ABCB1: variants seen among roughly 807,000 people sequenced by gnomAD.
ABCB1 encodes ATP-dependent translocase ABCB1.
In ABCB1, 69 loss-of-function variants were observed where a neutral mutation model predicts 142.0. The ratio of observed to expected loss-of-function variants is 0.49; its 90% CI spans 0.40 to 0.59. The LOEUF (loss-of-function observed/expected upper bound fraction) is 0.59. ABCB1 is among the 20% of genes least tolerant of loss of function. The pLI is 0.00. For missense variants in ABCB1, 1,326 were observed against 1,554.7 expected (o/e 0.85, Z 2.47); for synonymous variants, 532 against 539.2 (o/e 0.99, Z 0.18).
intron 1 of ABCB1, chr7:87,628,571 T>G: frequency 3.2e-6 from 1 of 315,778 alleles, no homozygotes; most frequent in Non-Finnish European, 5.5e-6. Flanking sequence ...AGGGCGGAGG[T>G]GGTGCGTGCG....
intron 1 of ABCB1, among the ~76,000 whole-genome samples, chr7:87,629,944 T>C (rs1275407964): frequency 6.6e-6 from 1 of 151,816 alleles, no homozygotes; most frequent in East Asian, 1.9e-4. Context: ...AAGAACTATT[T>C]ATAGTAAGCC....
In ABCB1 at chr7:87,648,195, A is replaced by C. The variant is rs1408109514; in HGVS notation, c.-330-47117T>G. 1.1e-4 allele frequency among the ~76,000 whole-genome samples: 17 copies of C among 151,524 alleles called. 1 individual carries two copies. The highest frequency in any genetic ancestry group is 1.1e-3 in the Admixed American group (16 of 15,236). ...GCGAGACTCTGTCTCAAAAAAAAAA[A>C]AAAAAAGAAAGAAAGAAATGGAAAA... On this transcript the variant is annotated intron_variant, in intron 1 of 28. Coordinates refer to the ABCB1 transcript ENST00000265724.
intron 1 of ABCB1, among the ~76,000 whole-genome samples, chr7:87,703,914 GTTTTTTTTT>G (rs35797972): frequency 2.3e-5 from 1 of 42,970 alleles, no homozygotes; most frequent in Non-Finnish European, 4.2e-5. Flanking sequence ...TTTTTTTTTG[GTTTTTTTTT>G]TTTTTTTTTT....
At chr7:87,525,322 C>A (rs1815735855) in intron 21 of ABCB1, among the ~76,000 whole-genome samples, 1 of 151,946 alleles carries the variant, frequency 6.6e-6, no homozygotes, top group Non-Finnish European at 1.5e-5. Context: ...CTCTTCCTAC[C>A]CTCAAATAAA....
chr7:87,544,933 C>T lies in ABCB1; in HGVS notation c.1954G>A (p.Glu652Lys). Residue 652 changes from glutamate to lysine, a missense_variant, in exon 16 of 28, where the codon GAA (glutamate) becomes AAA (lysine). Coordinates refer to ENST00000622132, the MANE Select transcript of ABCB1 (RefSeq NM_001348946.2). ...GATCTTGAATCATTTGAAGACATTTCCAAGGCATCAATTTCACTTTTGGAT... is the reference window on the plus strand; with the variant it reads ...GATCTTGAATCATTTGAAGACATTTTCAAGGCATCAATTTCACTTTTGGAT... ...DESKSEIDAL[E>K]MSSNDSRSSL... 6.2e-7 allele frequency: 1 copy of T among 1,614,028 alleles called. No individual in the cohort carries two copies. Among genetic ancestry groups the T allele is most frequent in the Non-Finnish European group, 8.5e-7 (1 of 1,179,956 alleles).
intron 1 of ABCB1, among the ~76,000 whole-genome samples, chr7:87,664,380 T>G (rs894787141): frequency 6.6e-6 from 1 of 152,062 alleles, no homozygotes; most frequent in Non-Finnish European, 1.5e-5. Context: ...CAAAATTACT[T>G]TACTTACAAG....
intron 25 of ABCB1, among the ~76,000 whole-genome samples, chr7:87,513,315 A>G (rs1815098266): frequency 6.6e-6 from 1 of 152,158 alleles, no homozygotes; most frequent in South Asian, 2.1e-4. Flanking sequence ...TATCTACTTG[A>G]AATACCTAGG....
chr7:87,613,134 A>C (rs1819914161), intron 1 of ABCB1, among the ~76,000 whole-genome samples: 1 of 150,540 alleles, frequency 6.6e-6, no homozygotes, highest in African/African-American at 2.4e-5. Flanking sequence ...CTGAGACTTT[A>C]CTAAACTTAT....
At chr7:87,601,276 T>A (rs575909151), upstream of ABCB1, among the ~76,000 whole-genome samples, 4 of 152,352 alleles carry the variant, frequency 2.6e-5, no homozygotes, top group South Asian at 8.3e-4. Context: ...GTATCACCTT[T>A]CTGCTTCCTA....
chr7:87,574,228 C>T (rs1818182847), intron 4 of ABCB1, among the ~76,000 whole-genome samples: 1 of 152,046 alleles, frequency 6.6e-6, no homozygotes, highest in South Asian at 2.1e-4. Flanking sequence ...AACAGAATGA[C>T]ATCAAAGCTT....
intron 1 of ABCB1, among the ~76,000 whole-genome samples, chr7:87,700,005 T>C (rs1311451055): frequency 6.6e-6 from 1 of 152,154 alleles, no homozygotes; most frequent in Non-Finnish European, 1.5e-5. Context: ...GGTGGGGTTT[T>C]TTTTTCTGTT....
At chr7:87,591,033 T>G (rs1818980072) in intron 3 of ABCB1, among the ~76,000 whole-genome samples, 1 of 152,196 alleles carries the variant, frequency 6.6e-6, no homozygotes, top group African/African-American at 2.4e-5. Flanking sequence ...AAAGGGACTT[T>G]GCAGATTTAA....
intron 3 of ABCB1, among the ~76,000 whole-genome samples, chr7:87,590,326 A>G (rs900131014): frequency 1.5e-4 from 23 of 152,238 alleles, no homozygotes; most frequent in African/African-American, 5.5e-4. Flanking sequence ...CATTTGGGTT[A>G]TAGTAGAGAA....
At chr7:87,568,830 G>C (rs112883029) in intron 5 of ABCB1, among the ~76,000 whole-genome samples, 9 of 152,140 alleles carry the variant, frequency 5.9e-5, no homozygotes, top group Admixed American at 1.3e-4. Context: ...TATAGCAAGA[G>C]ATAGCTAATA....
chr7:87,573,476 G>A (rs1214052345), intron 4 of ABCB1, among the ~76,000 whole-genome samples: 1 of 152,122 alleles, frequency 6.6e-6, no homozygotes, highest in South Asian at 2.1e-4. Context: ...CCTCTTCACA[G>A]TTAATGCTCT....
intron 21 of ABCB1, chr7:87,522,369 G>C (rs1815555300): frequency 1.4e-6 from 1 of 717,696 alleles, no homozygotes; most frequent in African/African-American, 1.7e-5. Flanking sequence ...GGTGGCTATG[G>C]CAGTTCCAGT....
At chr7:87,575,454 C>T (rs1410880333) in intron 4 of ABCB1, among the ~76,000 whole-genome samples, 1 of 152,122 alleles carries the variant, frequency 6.6e-6, no homozygotes, top group East Asian at 1.9e-4. Context: ...AATCCTTTCA[C>T]TTTTAGGCCT....
intron 1 of ABCB1, among the ~76,000 whole-genome samples, chr7:87,676,872 C>T (rs1490408735): frequency 6.6e-6 from 1 of 151,976 alleles, no homozygotes; most frequent in Non-Finnish European, 1.5e-5. Context: ...TATGAAAAGA[C>T]ACTCGATATC....
At position 87,626,168 on chromosome 7, in the gene ABCB1, T is replaced by C. The variant is rs191617734; in HGVS notation, c.-330-25090A>G. 4.8e-3 allele frequency among the ~76,000 whole-genome samples: 628 copies of C among 131,708 alleles called. 84 individuals are homozygous for C. Among genetic ancestry groups the C allele is most frequent in the African/African-American group, 0.019 (582 of 30,966 alleles). The allele number at this position is 131,708 out of a possible 152,430, so 86.4% of individuals were successfully genotyped here. A position where few individuals can be genotyped will look rare whatever the true frequency, so the allele number is the denominator to read the frequency against. On this transcript the variant is annotated intron_variant, in intron 1 of 28. Transcript: ENST00000265724. ...TATATATTGTCATATATATGTGTCA[T>C]ATATATTGTCATATATATGTGTCAT...
Sources: gnomAD v4.1 joint callset for allele counts (sites outside exome capture counted in the v4.1 genomes callset) on GRCh38, gnomAD v4.1.1 for gene constraint, MANE v1.5 for transcripts, NCBI Gene and HGNC (gene_info 2026-07-23, HGNC 2026-07-21) for gene names.